The following USH2A variants were observed in gnomAD, a reference collection of about 807,000 sequenced individuals.
USH2A encodes the protein usherin, also known as Usher syndrome 2A (autosomal recessive, mild).
USH2A carries 443 observed loss-of-function variants against 538.9 expected under a neutral mutation model. The observed-to-expected ratio is 0.82, with a 90% CI of 0.76 to 0.89. USH2A has a LOEUF of 0.89. Ranked by LOEUF, USH2A falls within the 40% of genes least tolerant of loss-of-function variation. The probability of loss-of-function intolerance (pLI) is 0.00; values close to 1 mark genes in which losing one functional copy is unlikely to be tolerated. For synonymous variants in USH2A, 2,413 were observed against 2,273.5 expected (o/e 1.06, Z -1.75); for missense variants, 6,633 against 6,324.8 (o/e 1.05, Z -1.65).
chr1:216,011,587 C>T (rs1050375205), intron 32 of USH2A, among the ~76,000 whole-genome samples: 3 of 152,100 alleles, frequency 2.0e-5, no homozygotes, highest in Admixed American at 1.3e-4. Context: ...ACCCTGTAGC[C>T]TTTCTGTCCA....
intron 3 of USH2A, among the ~76,000 whole-genome samples, chr1:216,377,130 C>T (rs527533869): frequency 1.3e-5 from 2 of 152,088 alleles, no homozygotes; most frequent in East Asian, 3.9e-4. Context: ...CCATGTTAAA[C>T]AAAAGGAAAA....
intron 9 of USH2A, among the ~76,000 whole-genome samples, chr1:216,314,842 A>T (rs980190105): frequency 2.6e-5 from 4 of 152,214 alleles, no homozygotes; most frequent in Non-Finnish European, 5.9e-5. Flanking sequence ...TTACTAATAA[A>T]TTGCTCTGTG....
In USH2A at chr1:216,269,208, T is replaced by G. The variant is rs558312957; in HGVS notation, c.1972-18110A>C. On this transcript the variant is annotated intron_variant, in intron 11 of 71. Coordinates refer to ENST00000307340, the MANE Select transcript of USH2A (RefSeq NM_206933.4). ...CTATGTGTTGTGGGGGGAGACCCAG[T>G]GGGAAATAATTGAATCATGGGAGCA... is the stretch of plus-strand genomic sequence containing the variant. Among the ~76,000 whole-genome samples the G allele has an allele frequency of 1.1e-3, 170 of 152,176 alleles. 1 individual carries two copies. Among genetic ancestry groups the G allele is most frequent in the African/African-American group, 3.9e-3 (162 of 41,554 alleles).
In USH2A at chr1:215,738,995, T is replaced by C. The variant is rs998103314; in HGVS notation, c.11711+2380A>G. On this transcript the variant is annotated intron_variant, in intron 60 of 71. Coordinates refer to ENST00000307340, the MANE Select transcript of USH2A (RefSeq NM_206933.4). Reference sequence around the variant, plus strand: ...GCAGCTATCTAAGAAAAATTTGATATTGTTGTTGTCTAAGCACATTTAAAC... The same window carrying C: ...GCAGCTATCTAAGAAAAATTTGATACTGTTGTTGTCTAAGCACATTTAAAC... Among the ~76,000 whole-genome samples, 13 of 152,222 alleles carry C rather than the reference T, an allele frequency of 8.5e-5. 1 individual carries two copies. In the East Asian group the frequency reaches 2.5e-3, roughly 29 times the overall value.
chr1:216,038,109 A>T (rs995930084), intron 32 of USH2A, among the ~76,000 whole-genome samples: 2 of 152,050 alleles, frequency 1.3e-5, no homozygotes, highest in Non-Finnish European at 1.5e-5. Context: ...TTCTAAATTG[A>T]TGTGGATGGT....
chr1:216,312,044 T>TTC (rs1160813448), intron 9 of USH2A, among the ~76,000 whole-genome samples: 1 of 152,168 alleles, frequency 6.6e-6, no homozygotes, highest in East Asian at 1.9e-4. Flanking sequence ...GTATCATTTT[T>TTC]TCTCTCTCTC....
intron 63 of USH2A, among the ~76,000 whole-genome samples, chr1:215,671,524 T>C (rs1287840244): frequency 6.6e-6 from 1 of 151,996 alleles, no homozygotes; most frequent in Admixed American, 6.6e-5. Flanking sequence ...CAAGACTCTG[T>C]CTCAAAAAAA....
At chr1:216,174,096 T>G (rs1262788508) in intron 21 of USH2A, 1 of 985,224 alleles carries the variant, frequency 1.0e-6, no homozygotes, top group Non-Finnish European at 1.2e-6. Flanking sequence ...TAATCATGAT[T>G]CATTACCAAG....
At chr1:216,272,484 T>TTTTATTAATATCCACTC (rs2036591832) in intron 11 of USH2A, among the ~76,000 whole-genome samples, 2 of 152,170 alleles carry the variant, frequency 1.3e-5, no homozygotes, top group Non-Finnish European at 2.9e-5. Context: ...TATCCACTCA[T>TTTTATTAATATCCACTC]GTTTTATTAA....
chr1:215,708,549 G>T (rs968926355), intron 61 of USH2A, among the ~76,000 whole-genome samples: 2 of 152,192 alleles, frequency 1.3e-5, no homozygotes, highest in African/African-American at 2.4e-5. Context: ...AGGGGGAGGT[G>T]GGGATGGTTT....
intron 67 of USH2A, among the ~76,000 whole-genome samples, chr1:215,645,743 A>G (rs1656826452): frequency 1.3e-5 from 2 of 152,322 alleles, no homozygotes; most frequent in Admixed American, 6.5e-5. Context: ...GGTAAGATTT[A>G]TAATCTGACA....
intron 37 of USH2A, among the ~76,000 whole-genome samples, chr1:215,938,874 A>G (rs572749435): frequency 3.3e-5 from 5 of 152,210 alleles, no homozygotes; most frequent in Admixed American, 1.3e-4. Flanking sequence ...ACTTGGGGTT[A>G]CCTCATAAAC....
Position 215,628,806 on chromosome 1 carries a change from C to G in USH2A, c.15519+8G>C. ...TAGCAAAGGCCCTGTATGAGGAAAC[C>G]AACTCACCAGTCCACTGTTGTGGCC... On this transcript the variant is annotated splice_region_variant and intron_variant, in intron 71 of 71. Transcript: ENST00000307340. 1 of 1,613,954 alleles carries G rather than the reference C, an allele frequency of 6.2e-7. No individual in the cohort carries two copies. The highest frequency in any genetic ancestry group is 8.5e-7 in the Non-Finnish European group (1 of 1,179,926).
chr1:215,950,504 C>CTTT (rs11326101), intron 37 of USH2A, among the ~76,000 whole-genome samples: 1 of 131,272 alleles, frequency 7.6e-6, no homozygotes. Context: ...TAATTGCTAC[C>CTTT]TTTTTTTTTT....
chr1:216,369,672 G>A (rs2038663887), intron 3 of USH2A, among the ~76,000 whole-genome samples: 1 of 152,038 alleles, frequency 6.6e-6, no homozygotes, highest in South Asian at 2.1e-4. Context: ...TAGAACTTTG[G>A]GAGGCTGAGG....
At chr1:216,421,396 G>A (rs985720416) in intron 2 of USH2A, among the ~76,000 whole-genome samples, 3 of 152,070 alleles carry the variant, frequency 2.0e-5, no homozygotes, top group Admixed American at 6.6e-5. Flanking sequence ...TTGGGGAAAC[G>A]AGGATGAAGA....
chr1:216,224,977 C>T (rs1014378734), intron 14 of USH2A, among the ~76,000 whole-genome samples: 2 of 151,958 alleles, frequency 1.3e-5, no homozygotes, highest in Non-Finnish European at 2.9e-5. Context: ...TAATAACCTA[C>T]CACAGTGCCT....
intron 38 of USH2A, among the ~76,000 whole-genome samples, chr1:215,908,506 T>C (rs952945461): frequency 3.3e-5 from 5 of 151,860 alleles, no homozygotes; most frequent in Admixed American, 1.3e-4. Flanking sequence ...TTAAAGATTA[T>C]AAAACAAATG....
chr1:215,744,817 A>C (rs927872465), intron 58 of USH2A, among the ~76,000 whole-genome samples: 2 of 152,188 alleles, frequency 1.3e-5, no homozygotes, highest in African/African-American at 2.4e-5. Context: ...AGATTGCGTT[A>C]AATTTGGCAG....
Sources: allele counts gnomAD v4.1 joint callset (sites outside exome capture counted in the v4.1 genomes callset), GRCh38; gene constraint gnomAD v4.1.1; transcripts MANE v1.5; gene names NCBI Gene and HGNC (gene_info 2026-07-23, HGNC 2026-07-21).